Variants in MTMR2 observed in about 807,000 individuals in gnomAD.
MTMR2 encodes the protein myotubularin related protein 2, also known as phosphatidylinositol-3,5-bisphosphate 3-phosphatase MTMR2.
A neutral mutation model predicts 86.9 loss-of-function variants in MTMR2; 55 were observed. The observed-to-expected ratio is 0.63, with a 90% CI of 0.51 to 0.79. The LOEUF is 0.79. Among genes scored for constraint, MTMR2 ranks in the 30% least tolerant of loss-of-function variants. MTMR2 has a pLI of 0.00. For missense variants in MTMR2, 659 were observed against 772.3 expected (o/e 0.85, Z 1.74); for synonymous variants, 241 against 266.8 (o/e 0.90, Z 0.94).
intron 5 of MTMR2, among the ~76,000 whole-genome samples, chr11:95,861,732 CATT>C (rs1402299787): frequency 1.3e-5 from 2 of 151,990 alleles, no homozygotes; most frequent in Non-Finnish European, 2.9e-5. Context: ...CCAAGATGAT[CATT>C]ATTAAAAAAT....
intron 1 of MTMR2, among the ~76,000 whole-genome samples, chr11:95,909,321 T>C (rs1392670447): frequency 6.6e-6 from 1 of 152,208 alleles, no homozygotes; most frequent in African/African-American, 2.4e-5. Flanking sequence ...ATGTAGATTT[T>C]GTTTTTAGTT....
chr11:95,914,212 T>G (rs1393645045), intron 1 of MTMR2: 2 of 971,484 alleles, frequency 2.1e-6, no homozygotes, highest in Admixed American at 6.2e-5. Context: ...TTTTGTCCAT[T>G]TTTATATCTG....
chr11:95,842,133 AAAGT>A (rs1359979573), intron 11 of MTMR2, among the ~76,000 whole-genome samples: 3 of 152,224 alleles, frequency 2.0e-5, no homozygotes, highest in African/African-American at 7.2e-5. Flanking sequence ...AGAGCATTGC[AAAGT>A]AAGTAAAAAA....
At chr11:95,917,426 C>A (rs183853737) in intron 1 of MTMR2, among the ~76,000 whole-genome samples, 22 of 152,242 alleles carry the variant, frequency 1.4e-4, no homozygotes, top group South Asian at 8.3e-4. Flanking sequence ...TGGGCATAAT[C>A]CAAACTTTAC....
At chr11:95,873,011 G>A (rs1233215346) in intron 2 of MTMR2, among the ~76,000 whole-genome samples, 6 of 152,046 alleles carry the variant, frequency 3.9e-5, no homozygotes, top group South Asian at 2.1e-4. Flanking sequence ...TGCTGGATTC[G>A]GTTTGCCAGT....
chr11:95,848,019 A>ATTTTCCTGT, intron 9 of MTMR2, 120 bp from the exon 10 acceptor site: 1 of 995,610 alleles, frequency 1.0e-6, no homozygotes, highest in Non-Finnish European at 1.5e-6. Context: ...AAAACTCCAC[A>ATTTTCCTGT]GGAAAATGTG....
At chr11:95,899,037 T>C (rs1176457664) in intron 1 of MTMR2, among the ~76,000 whole-genome samples, 1 of 152,288 alleles carries the variant, frequency 6.6e-6, no homozygotes, top group Admixed American at 6.5e-5. Context: ...TAAGTTGATA[T>C]TTCTGTAAGC....
intron 1 of MTMR2, among the ~76,000 whole-genome samples, chr11:95,911,239 C>A (rs1866493696): frequency 2.0e-5 from 3 of 152,046 alleles, no homozygotes; most frequent in Admixed American, 6.6e-5. Context: ...TACATGTGAC[C>A]CTGGACACAG....
intron 1 of MTMR2, among the ~76,000 whole-genome samples, chr11:95,900,724 C>T (rs981615022): frequency 1.3e-5 from 2 of 152,098 alleles, no homozygotes; most frequent in East Asian, 1.9e-4. Flanking sequence ...TGTGCATGTG[C>T]GTGTGCACGC....
At chr11:95,886,487 CAG>C (rs1463231959) in intron 2 of MTMR2, among the ~76,000 whole-genome samples, 2 of 152,132 alleles carry the variant, frequency 1.3e-5, no homozygotes, top group Non-Finnish European at 2.9e-5. Context: ...GGTCTGCATG[CAG>C]AGAGAAGTTG....
At chr11:95,861,446 CAG>C (rs927671965) in intron 5 of MTMR2, among the ~76,000 whole-genome samples, 3 of 128,584 alleles carry the variant, frequency 2.3e-5, no homozygotes, top group African/African-American at 6.5e-5. Flanking sequence ...TTATTTCAGA[CAG>C]AGTCTTACTC....
intron 1 of MTMR2, among the ~76,000 whole-genome samples, chr11:95,904,449 C>T (rs761329201): frequency 4.6e-5 from 7 of 152,172 alleles, no homozygotes; most frequent in Non-Finnish European, 8.8e-5. Context: ...ACCTGCTGGG[C>T]TGCATTCCCA....
chr11:95,898,074 A>G (rs532915264), intron 1 of MTMR2, among the ~76,000 whole-genome samples: 3 of 152,008 alleles, frequency 2.0e-5, no homozygotes, highest in Non-Finnish European at 4.4e-5. Flanking sequence ...CAAATACTAC[A>G]TATGGTTTTT....
rs534159542 is a variant in MTMR2 at position 95,862,037 on chromosome 11, A to G, written c.423T>C (p.Ala141=). Residue 141 remains alanine, a synonymous_variant, in exon 5 of 15, where the codon GCT becomes GCC. Coordinates refer to ENST00000346299, the MANE Select transcript of MTMR2 (RefSeq NM_016156.6). The stretch of plus-strand genomic sequence containing the variant: ...CATAAGAATTTTCACCTCGACTAGA[A>G]GCACCACCAATTTTTTCTACTCTAT... ...VINRVEKIGG[A]SSRGENSYGL... 6 of 1,613,962 alleles carry G rather than the reference A, an allele frequency of 3.7e-6. No homozygotes were observed. The highest frequency in any genetic ancestry group is 1.3e-5 in the African/African-American group (1 of 75,058).
intron 7 of MTMR2, among the ~76,000 whole-genome samples, chr11:95,853,877 C>A (rs1160807393): frequency 1.3e-5 from 2 of 152,188 alleles, no homozygotes; most frequent in East Asian, 3.9e-4. Flanking sequence ...AACATGGAGT[C>A]AGAGCTAAAG....
intron 2 of MTMR2, among the ~76,000 whole-genome samples, chr11:95,880,357 TACC>T (rs1865280315): frequency 6.6e-6 from 1 of 152,124 alleles, no homozygotes; most frequent in African/African-American, 2.4e-5. Flanking sequence ...TCATAGAATA[TACC>T]ACAATTTATT....
chr11:95,886,199 G>A (rs764256953), intron 2 of MTMR2, among the ~76,000 whole-genome samples: 3 of 152,036 alleles, frequency 2.0e-5, no homozygotes, highest in Admixed American at 6.6e-5. Flanking sequence ...TAATAATAAC[G>A]TATCAGTATT....
In MTMR2 at chr11:95,864,920, CA is replaced by C. The variant is rs541382608; in HGVS notation, c.262+680del. ...ATGGTAGTTATATTAACTAAGAAAT[CA>C]TTTACTTCATTCTTCTAACATATTA... On this transcript the variant is annotated intron_variant, in intron 3 of 14. Transcript: ENST00000346299. 2.0e-4 allele frequency among the ~76,000 whole-genome samples: 30 copies of C among 152,128 alleles called. No individual in the cohort carries two copies. The East Asian group carries it at 5.6e-3, about 28-fold the overall frequency.
At chr11:95,909,123 C>A (rs913884785) in intron 1 of MTMR2, among the ~76,000 whole-genome samples, 2 of 152,026 alleles carry the variant, frequency 1.3e-5, no homozygotes, top group Non-Finnish European at 2.9e-5. Flanking sequence ...CTTTGTTACA[C>A]TATTCTTAAA....
Sources: gnomAD v4.1 joint callset for allele counts (sites outside exome capture counted in the v4.1 genomes callset) on GRCh38, gnomAD v4.1.1 for gene constraint, MANE v1.5 for transcripts, NCBI Gene and HGNC (gene_info 2026-07-23, HGNC 2026-07-21) for gene names.